The following STK32B variants were observed in gnomAD, a reference collection of about 807,000 sequenced individuals.
STK32B encodes serine/threonine kinase 32B, also known as serine/threonine-protein kinase 32B.
A neutral mutation model predicts 52.6 loss-of-function variants in STK32B; 43 were observed. That is an observed-to-expected ratio of 0.82 (90% CI 0.64 to 1.05). The LOEUF (loss-of-function observed/expected upper bound fraction) is 1.05, where lower values mean the gene tolerates loss of function less well. Among genes scored for constraint, STK32B ranks in the 50% least tolerant of loss-of-function variants. STK32B has a pLI of 0.00. For synonymous variants in STK32B, 238 were observed against 204.3 expected (o/e 1.17, Z -1.41); for missense variants, 621 against 534.6 (o/e 1.16, Z -1.59).
intron 6 of STK32B, among the ~76,000 whole-genome samples, chr4:5,442,954 G>T (rs1352696947): frequency 6.7e-6 from 1 of 149,674 alleles, no homozygotes; most frequent in Non-Finnish European, 1.5e-5. Context: ...CTGGCTTGTA[G>T]GGTGTCTGCC....
chr4:5,159,566 A>AATATATATGAATATATATGAAT (rs1718183629), intron 2 of STK32B, among the ~76,000 whole-genome samples: 1 of 69,180 alleles, frequency 1.4e-5, no homozygotes, highest in Non-Finnish European at 2.7e-5. Context: ...TATATGAATG[A>AATATATATGAATATATATGAAT]ATATATATGA....
intron 3 of STK32B, among the ~76,000 whole-genome samples, chr4:5,227,048 C>A (rs970606165): frequency 6.6e-6 from 1 of 152,146 alleles, no homozygotes; most frequent in African/African-American, 2.4e-5. Flanking sequence ...ATATCTGCTT[C>A]ATCATGCATT....
At chr4:5,111,435 TA>T (rs1714398448) in intron 1 of STK32B, among the ~76,000 whole-genome samples, 1 of 152,042 alleles carries the variant, frequency 6.6e-6, no homozygotes, top group African/African-American at 2.4e-5. Flanking sequence ...TATACAGCCA[TA>T]AAAAGGAAAA....
chr4:5,047,340 G>A (rs947757157), upstream of STK32B, among the ~76,000 whole-genome samples: 1 of 152,024 alleles, frequency 6.6e-6, no homozygotes, highest in African/African-American at 2.4e-5. Context: ...GCCTGTTGGG[G>A]GGTGGGGGAT....
At chr4:5,240,166 C>T (rs1490075808) in intron 3 of STK32B, among the ~76,000 whole-genome samples, 1 of 150,272 alleles carries the variant, frequency 6.7e-6, no homozygotes, top group African/African-American at 2.5e-5. Flanking sequence ...ATTTATTCTC[C>T]TTGGGGTTCA....
At chr4:5,364,550 T>C (rs1475883524) in intron 4 of STK32B, among the ~76,000 whole-genome samples, 1 of 152,178 alleles carries the variant, frequency 6.6e-6, no homozygotes, top group East Asian at 1.9e-4. Context: ...GATTGGTTAT[T>C]TTTGAGTCGC....
Position 5,469,852 on chromosome 4 carries a change from G to T in STK32B, c.1106+1782G>T, listed in dbSNP as rs1717716336. On this transcript the variant is annotated intron_variant, in intron 11 of 11. Coordinates refer to ENST00000282908, the MANE Select transcript of STK32B (RefSeq NM_018401.3). The surrounding 1 kb of genome is among the most constrained non-coding windows in gnomAD (Gnocchi z 4.7). The stretch of plus-strand genomic sequence containing the variant: ...GTGGTTTCGGAGCTTATCCCAATTT[G>T]CCTGTGGTCCTGCCTGCTCTGAGGC... 6.6e-6 allele frequency among the ~76,000 whole-genome samples: 1 copy of T among 152,202 alleles called. No homozygotes were observed. The highest frequency in any genetic ancestry group is 1.5e-5 in the Non-Finnish European group (1 of 68,034).
intron 11 of STK32B, among the ~76,000 whole-genome samples, chr4:5,474,331 G>T (rs1452362017): frequency 6.6e-6 from 1 of 152,154 alleles, no homozygotes; most frequent in Non-Finnish European, 1.5e-5. Context: ...GCTGCTCATG[G>T]TGCTGTGACC....
chr4:5,322,406 C>G (rs545144129), intron 3 of STK32B, among the ~76,000 whole-genome samples: 1 of 152,198 alleles, frequency 6.6e-6, no homozygotes, highest in Non-Finnish European at 1.5e-5. Flanking sequence ...CATCTGCTAC[C>G]CTCGGAGGTC....
intron 9 of STK32B, among the ~76,000 whole-genome samples, chr4:5,462,590 G>A (rs575973701): frequency 1.3e-5 from 2 of 152,308 alleles, no homozygotes; most frequent in East Asian, 3.9e-4. Flanking sequence ...ACACCCACCA[G>A]CACTGTGCTG....
intron 3 of STK32B, among the ~76,000 whole-genome samples, chr4:5,230,396 G>A (rs111790319): frequency 0.022 from 3,410 of 151,724 alleles, 114 homozygotes; most frequent in African/African-American, 0.073. Flanking sequence ...CACCATATTA[G>A]CCAGGCTGGT....
intron 1 of STK32B, among the ~76,000 whole-genome samples, chr4:5,091,763 A>G (rs1039272370): frequency 6.6e-5 from 10 of 152,228 alleles, no homozygotes; most frequent in Non-Finnish European, 1.3e-4. Flanking sequence ...AAAAACATGC[A>G]GAATTATTCA....
At chr4:5,401,150 A>G (rs1737267279) in intron 5 of STK32B, among the ~76,000 whole-genome samples, 1 of 152,224 alleles carries the variant, frequency 6.6e-6, no homozygotes, top group South Asian at 2.1e-4. Flanking sequence ...AACATTTAAA[A>G]TTAATCTTAT....
intron 1 of STK32B, among the ~76,000 whole-genome samples, chr4:5,125,789 C>G (rs1170615105): frequency 6.6e-6 from 1 of 152,206 alleles, no homozygotes; most frequent in African/African-American, 2.4e-5. Context: ...TCCCCAACTC[C>G]TTGCTTCAAA....
intron 3 of STK32B, among the ~76,000 whole-genome samples, chr4:5,212,977 C>A (rs559432406): frequency 6.6e-6 from 1 of 152,278 alleles, no homozygotes; most frequent in African/African-American, 2.4e-5. Flanking sequence ...ATATTCTCTG[C>A]ATCCTATGTT....
In STK32B at chr4:5,072,018, C is replaced by T. The variant is rs139809831; in HGVS notation, c.52+20103C>T. Among the ~76,000 whole-genome samples the T allele has an allele frequency of 7.9e-4, 121 of 152,202 alleles. 1 individual carries two copies. The East Asian group carries it at 0.019, about 24-fold the overall frequency. ...CCTGGTGACCCTTGTGTGAGATGCC[C>T]CAACTCCTCATCTTTCTGGATGCAT... On this transcript the variant is annotated intron_variant, in intron 1 of 11. Coordinates refer to ENST00000282908, the MANE Select transcript of STK32B (RefSeq NM_018401.3).
chr4:5,182,369 C>A (rs1720428860), intron 3 of STK32B, among the ~76,000 whole-genome samples: 1 of 152,204 alleles, frequency 6.6e-6, no homozygotes, highest in East Asian at 1.9e-4. Flanking sequence ...ATGGCAAATT[C>A]TTTCCAGAAG....
intron 3 of STK32B, among the ~76,000 whole-genome samples, chr4:5,322,255 G>T (rs1015757951): frequency 1.3e-5 from 2 of 151,994 alleles, no homozygotes; most frequent in East Asian, 1.9e-4. Flanking sequence ...TTTTTTCCTC[G>T]TACAATATGA....
intron 11 of STK32B, among the ~76,000 whole-genome samples, chr4:5,479,843 T>C (rs188955251): frequency 6.6e-6 from 1 of 152,300 alleles, no homozygotes; most frequent in African/African-American, 2.4e-5. Context: ...GTTTGCGGTT[T>C]TTTGGGGTTT....
Sources: gnomAD v4.1 joint callset for allele counts (sites outside exome capture counted in the v4.1 genomes callset) on GRCh38, gnomAD v4.1.1 for gene constraint, Gnocchi (gnomAD v3.1) non-coding constraint, MANE v1.5 for transcripts, NCBI Gene and HGNC (gene_info 2026-07-23, HGNC 2026-07-21) for gene names.